CEP128: variants seen among roughly 807,000 people sequenced by gnomAD.
CEP128 encodes centrosomal protein 128.
A neutral mutation model predicts 156.7 loss-of-function variants in CEP128; 132 were observed. That is an observed-to-expected ratio of 0.84 (90% CI 0.73 to 0.97). The LOEUF is 0.97. Ranked by LOEUF, CEP128 falls within the 50% of genes least tolerant of loss-of-function variation. The pLI, the probability that CEP128 is intolerant of heterozygous loss-of-function variation, is 0.00. For synonymous variants in CEP128, 469 were observed against 448.9 expected, an observed-to-expected ratio of 1.04 and a Z score of -0.57; for missense variants, 1,252 against 1,281.9, an observed-to-expected ratio of 0.98 and a Z score of 0.36.
At chr14:80,490,233 G>A (rs556197682), downstream of CEP128, among the ~76,000 whole-genome samples, 3 of 152,032 alleles carry the variant, frequency 2.0e-5, no homozygotes, top group African/African-American at 4.8e-5. Flanking sequence ...TCTCGATGTC[G>A]ACATTGAGGT....
intron 23 of CEP128, among the ~76,000 whole-genome samples, chr14:80,506,504 C>A (rs1286571138): frequency 6.7e-6 from 1 of 150,144 alleles, no homozygotes; most frequent in African/African-American, 2.5e-5. Flanking sequence ...AAGACCATAA[C>A]TGAGGATAAC....
At chr14:80,894,547 T>C (rs773155438) in intron 8 of CEP128, 3 of 394,988 alleles carry the variant, frequency 7.6e-6, no homozygotes, top group South Asian at 1.7e-5. Flanking sequence ...TAGAACTTTA[T>C]GCAAAAAAAA....
chr14:80,733,842 A>G (rs1174445550), intron 19 of CEP128, among the ~76,000 whole-genome samples: 1 of 152,230 alleles, frequency 6.6e-6, no homozygotes, highest in Non-Finnish European at 1.5e-5. Context: ...TCAAATCCTT[A>G]AAATTCAATC....
intron 9 of CEP128, among the ~76,000 whole-genome samples, chr14:80,843,028 C>T (rs1453947058): frequency 6.6e-6 from 1 of 150,852 alleles, no homozygotes; most frequent in Non-Finnish European, 1.5e-5. Context: ...TCTAAACTCT[C>T]ATAGTTATAT....
At chr14:80,487,362 C>T (rs964536791), downstream of CEP128, among the ~76,000 whole-genome samples, 2 of 152,082 alleles carry the variant, frequency 1.3e-5, no homozygotes, top group African/African-American at 2.4e-5. Flanking sequence ...ACTGGAGCAC[C>T]CAGATTCATA....
intron 16 of CEP128, among the ~76,000 whole-genome samples, 195 bp from the exon 17 acceptor site, chr14:80,761,808 C>T (rs1899986113): frequency 6.6e-6 from 1 of 151,988 alleles, no homozygotes; most frequent in Non-Finnish European, 1.5e-5. Flanking sequence ...CATCGTAGGG[C>T]AGTTTGGGAA....
At chr14:80,674,226 G>A (rs1336763020) in intron 19 of CEP128, among the ~76,000 whole-genome samples, 12 of 151,900 alleles carry the variant, frequency 7.9e-5, no homozygotes, top group Non-Finnish European at 1.8e-4. Context: ...CAAAATAAAG[G>A]ACAATTTAAA....
chr14:80,573,130 G>A (rs576809123), intron 20 of CEP128, among the ~76,000 whole-genome samples: 15 of 150,452 alleles, frequency 1.0e-4, no homozygotes, highest in African/African-American at 3.4e-4. Context: ...TCACCATGTT[G>A]GTCAGGCTGG....
At position 80,778,021 on chromosome 14, in the gene CEP128, A is replaced by G; in HGVS notation, c.2237T>C (p.Met746Thr). Residue 746 changes from methionine to threonine, a missense_variant, in exon 16 of 25, where the codon ATG becomes ACG. Transcript: ENST00000555265. Reference sequence around the variant, plus strand: ...CAGCTGACCACGATGAATTTTAGCCATATTCTTCTCTTCTAAACTTTCAGC... The same window carrying G: ...CAGCTGACCACGATGAATTTTAGCCGTATTCTTCTCTTCTAAACTTTCAGC... ...LKAESLEEKNMAKIHRGQLEK... is the reference protein window; with the variant it reads ...LKAESLEEKNTAKIHRGQLEK... The G allele has an allele frequency of 6.2e-7, 1 of 1,613,428 alleles. No individual in the cohort carries two copies. The highest frequency in any genetic ancestry group is 1.1e-5 in the South Asian group (1 of 90,928).
intron 23 of CEP128, among the ~76,000 whole-genome samples, chr14:80,521,742 T>G (rs891139090): frequency 2.6e-5 from 4 of 152,212 alleles, no homozygotes; most frequent in Non-Finnish European, 5.9e-5. Flanking sequence ...TTTAAGAAGT[T>G]TTTAAAATCA....
chr14:80,621,686 T>C (rs568491769), intron 19 of CEP128, among the ~76,000 whole-genome samples: 25 of 152,316 alleles, frequency 1.6e-4, no homozygotes, highest in African/African-American at 5.8e-4. Context: ...TTCTCACATG[T>C]CAAGCTCCAA....
intron 19 of CEP128, among the ~76,000 whole-genome samples, chr14:80,705,302 T>G (rs953023255): frequency 6.7e-6 from 1 of 148,310 alleles, no homozygotes; most frequent in Non-Finnish European, 1.5e-5. Context: ...GTGTGTGTGT[T>G]TTGTTTTTTT....
At chr14:80,718,726 G>T (rs1415481539) in intron 19 of CEP128, among the ~76,000 whole-genome samples, 1 of 152,146 alleles carries the variant, frequency 6.6e-6, no homozygotes, top group Non-Finnish European at 1.5e-5. Context: ...ACTCTGTGAG[G>T]AGAGACAGCA....
At chr14:80,559,207 G>C in intron 21 of CEP128, 72 bp downstream of exon 21, 2 of 1,279,230 alleles carry the variant, frequency 1.6e-6, no homozygotes, top group Non-Finnish European at 2.2e-6. Flanking sequence ...GTTTCCTTTG[G>C]TGTGCTGTGA....
chr14:80,834,544 C>A (rs1258629625), intron 12 of CEP128, among the ~76,000 whole-genome samples: 1 of 152,100 alleles, frequency 6.6e-6, no homozygotes, highest in Non-Finnish European at 1.5e-5. Flanking sequence ...ATGAAAAACT[C>A]TACAATTGTT....
At chr14:80,774,616 T>TGTGTGTGTGC (rs1214224301) in intron 16 of CEP128, among the ~76,000 whole-genome samples, 1 of 152,070 alleles carries the variant, frequency 6.6e-6, no homozygotes, top group Non-Finnish European at 1.5e-5. Flanking sequence ...CATATGTGTG[T>TGTGTGTGTGC]GTGTGTGTGC....
At chr14:80,501,607 C>T (rs1485097318) in intron 24 of CEP128, among the ~76,000 whole-genome samples, 1 of 151,756 alleles carries the variant, frequency 6.6e-6, no homozygotes, top group Non-Finnish European at 1.5e-5. Flanking sequence ...CGGGTTCAAG[C>T]GATTCTTTTG....
At chr14:80,814,963 C>T (rs1884764364) in intron 13 of CEP128, among the ~76,000 whole-genome samples, 1 of 152,114 alleles carries the variant, frequency 6.6e-6, no homozygotes. Context: ...GAGGCTGAGG[C>T]AGGAGAATTG....
intron 20 of CEP128, among the ~76,000 whole-genome samples, chr14:80,569,738 G>A (rs989307684): frequency 6.6e-6 from 1 of 152,064 alleles, no homozygotes. Context: ...GTTTTTATAG[G>A]CCCATGAACT....
Sources: gnomAD v4.1 joint callset for allele counts (sites outside exome capture counted in the v4.1 genomes callset) on GRCh38, gnomAD v4.1.1 for gene constraint, MANE v1.5 for transcripts, NCBI Gene and HGNC (gene_info 2026-07-23, HGNC 2026-07-21) for gene names.